Variants in NTM observed in about 807,000 individuals in gnomAD.
NTM encodes the protein IgLON family member 2.
Under a neutral mutation model 42.1 loss-of-function variants are expected in NTM, and 13 were observed. That is an observed-to-expected ratio of 0.31 (90% CI 0.20 to 0.49). The LOEUF is 0.49. Among genes scored for constraint, NTM ranks in the 20% least tolerant of loss-of-function variants. The pLI is 0.99. For synonymous variants in NTM, 187 were observed against 179.2 expected (o/e 1.04, Z -0.35); for missense variants, 373 against 452.8 (o/e 0.82, Z 1.60).
intron 1 of NTM, among the ~76,000 whole-genome samples, chr11:131,878,860 G>C (rs2049014803): frequency 6.6e-6 from 1 of 151,718 alleles, no homozygotes; most frequent in Non-Finnish European, 1.5e-5. Context: ...AAGTGAGAGG[G>C]GAAGATCTTT....
chr11:131,556,280 C>G (rs1389626444), intron 1 of NTM, among the ~76,000 whole-genome samples: 1 of 152,140 alleles, frequency 6.6e-6, no homozygotes, highest in African/African-American at 2.4e-5. Flanking sequence ...CCCCTTCCCC[C>G]AAACAGAGGG....
intron 2 of NTM, among the ~76,000 whole-genome samples, chr11:132,062,171 T>A (rs1256904730): frequency 1.3e-5 from 2 of 152,088 alleles, no homozygotes; most frequent in Non-Finnish European, 2.9e-5. Flanking sequence ...GTGCAAAAAA[T>A]TTACCCTGAG....
intron 1 of NTM, among the ~76,000 whole-genome samples, chr11:131,602,362 G>A (rs372501293): frequency 1.1e-4 from 17 of 152,234 alleles, no homozygotes; most frequent in African/African-American, 4.1e-4. Context: ...TGGTCTGGGT[G>A]GTTAATACCA....
At chr11:131,658,834 G>T (rs1353192783) in intron 1 of NTM, among the ~76,000 whole-genome samples, 1 of 152,176 alleles carries the variant, frequency 6.6e-6, no homozygotes, top group Non-Finnish European at 1.5e-5. Flanking sequence ...AGCTGGGCAT[G>T]GTGGCAGGCA....
At chr11:132,046,628 G>A (rs930548274) in intron 2 of NTM, among the ~76,000 whole-genome samples, 2 of 152,148 alleles carry the variant, frequency 1.3e-5, no homozygotes, top group Non-Finnish European at 2.9e-5. Flanking sequence ...GGGACAACAG[G>A]TTTCCGGGAA....
chr11:131,642,479 C>T (rs947755895), intron 1 of NTM, among the ~76,000 whole-genome samples: 10 of 152,186 alleles, frequency 6.6e-5, no homozygotes, highest in African/African-American at 2.4e-4. Context: ...ATTGGATTTG[C>T]TGTTAAGTTA....
chr11:132,121,094 A>G (rs1038812668), intron 2 of NTM, among the ~76,000 whole-genome samples: 1 of 152,204 alleles, frequency 6.6e-6, no homozygotes, highest in African/African-American at 2.4e-5. Flanking sequence ...ACAGGAGAAA[A>G]GTAGAAGGGG....
At chr11:131,735,874 G>GTATA (rs1491049428) in intron 1 of NTM, among the ~76,000 whole-genome samples, 2 of 146,320 alleles carry the variant, frequency 1.4e-5, no homozygotes, top group Non-Finnish European at 3.0e-5. Flanking sequence ...GTGTGTGTGT[G>GTATA]TATAAAAAAA....
intron 1 of NTM, among the ~76,000 whole-genome samples, chr11:131,484,450 T>C (rs1953940087): frequency 6.6e-6 from 1 of 152,236 alleles, no homozygotes; most frequent in Middle Eastern, 3.4e-3. Flanking sequence ...GGGTGGAGGC[T>C]CCCAACTTGA....
At chr11:131,873,843 T>G (rs113315093) in intron 1 of NTM, among the ~76,000 whole-genome samples, 9,715 of 141,794 alleles carry the variant, frequency 0.069, 1,162 homozygotes, top group African/African-American at 0.24. Flanking sequence ...GTGTGTGATA[T>G]TCCCCACCCT....
chr11:131,703,745 C>T lies in NTM; in HGVS notation c.83-207819C>T, dbSNP rs557627063. ...TTTCACATTACTGATGTCACCACCA[C>T]CCAAACGTCACTCAGCCTAGTGTGA... On this transcript the variant is annotated intron_variant, in intron 1 of 8. Transcript: ENST00000683400. Among the ~76,000 whole-genome samples the T allele has an allele frequency of 1.2e-3, 184 of 152,204 alleles. 1 individual carries two copies. The highest frequency in any genetic ancestry group is 3.3e-3 in the Admixed American group (51 of 15,282).
intron 1 of NTM, chr11:131,771,401 A>C (rs998348966): frequency 2.0e-5 from 3 of 152,214 alleles, no homozygotes; most frequent in Admixed American, 6.5e-5. Context: ...ATGTGACAGA[A>C]TATTGTGGCT....
At chr11:131,691,349 C>T (rs1252517924) in intron 1 of NTM, among the ~76,000 whole-genome samples, 3 of 152,320 alleles carry the variant, frequency 2.0e-5, no homozygotes, top group South Asian at 2.1e-4. Flanking sequence ...AGGCGCTGCC[C>T]GGATGATAAG....
At chr11:132,322,867 TA>T (rs1317910032) in intron 7 of NTM, among the ~76,000 whole-genome samples, 3 of 143,902 alleles carry the variant, frequency 2.1e-5, no homozygotes, top group African/African-American at 7.7e-5. Flanking sequence ...AACTCAGGAT[TA>T]AGAATCTCAC....
At chr11:131,753,274 C>G (rs2135721086) in intron 1 of NTM, among the ~76,000 whole-genome samples, 1 of 152,130 alleles carries the variant, frequency 6.6e-6, no homozygotes, top group Non-Finnish European at 1.5e-5. Flanking sequence ...GAAATAGGAA[C>G]ACTTTTACAC....
intron 1 of NTM, among the ~76,000 whole-genome samples, chr11:131,610,128 C>T (rs947369165): frequency 6.6e-6 from 1 of 152,188 alleles, no homozygotes; most frequent in Non-Finnish European, 1.5e-5. Flanking sequence ...CCAAAACAAT[C>T]GTTAAACTGT....
rs1159088409 is a variant in NTM at position 131,689,054 on chromosome 11, C to CCTT, written c.83-222510_83-222509insCTT. ...TGCATGCCTTCAGTGAAAACGAGAG[C>CCTT]TACCAATAAATTGGATGTTTGTTAA... On this transcript the variant is annotated intron_variant, in intron 1 of 8. Transcript: ENST00000683400. Among the ~76,000 whole-genome samples the CCTT allele has an allele frequency of 3.1e-3, 477 of 151,556 alleles. 2 individuals are homozygous for CCTT. The highest frequency in any genetic ancestry group is 0.011 in the African/African-American group (458 of 40,802).
Position 132,303,936 on chromosome 11 carries a change from T to A in NTM, c.527-3753T>A, listed in dbSNP as rs534013374. Among the ~76,000 whole-genome samples the A allele has an allele frequency of 9.2e-5, 14 of 152,222 alleles. No homozygotes were observed. The South Asian group carries it at 2.7e-3, about 29-fold the overall frequency. On this transcript the variant is annotated intron_variant, in intron 4 of 8. Coordinates refer to ENST00000683400, the MANE Select transcript of NTM (RefSeq NM_001352005.2). ...CAACCCTAGAAGTAGGTAACGTTAT[T>A]CTGATTGTGCAGATGAAGATATGGT...
chr11:132,125,505 G>A (rs1396650856), intron 2 of NTM, among the ~76,000 whole-genome samples: 1 of 144,094 alleles, frequency 6.9e-6, no homozygotes, highest in Non-Finnish European at 1.5e-5. Context: ...GTGTGGTGTG[G>A]TGGTGTATGT....
Sources: gnomAD v4.1 joint callset for allele counts (sites outside exome capture counted in the v4.1 genomes callset) on GRCh38, gnomAD v4.1.1 for gene constraint, MANE v1.5 for transcripts, NCBI Gene and HGNC (gene_info 2026-07-23, HGNC 2026-07-21) for gene names.